RBMS3: variants seen among roughly 807,000 people sequenced by gnomAD.
RBMS3 encodes the protein RNA binding motif single stranded interacting protein 3.
In RBMS3, 27 loss-of-function variants were observed where a neutral mutation model predicts 66.8. The ratio of observed to expected loss-of-function variants is 0.40; its 90% CI spans 0.30 to 0.56. The LOEUF (loss-of-function observed/expected upper bound fraction) is 0.56, where lower values mean the gene tolerates loss of function less well. RBMS3 is among the 20% of genes least tolerant of loss of function. The pLI, the probability that RBMS3 is intolerant of heterozygous loss-of-function variation, is 0.40. For missense variants in RBMS3, 513 were observed against 549.5 expected (o/e 0.93, Z 0.66); for synonymous variants, 188 against 183.0 (o/e 1.03, Z -0.22).
At chr3:29,426,898 A>G (rs531929511) in intron 1 of RBMS3, among the ~76,000 whole-genome samples, 5 of 152,332 alleles carry the variant, frequency 3.3e-5, no homozygotes, top group African/African-American at 1.2e-4. Flanking sequence ...AACATTTGAC[A>G]CATAATTTAT....
intron 1 of RBMS3, among the ~76,000 whole-genome samples, chr3:29,397,485 C>T (rs1475612233): frequency 6.6e-6 from 1 of 152,078 alleles, no homozygotes; most frequent in Non-Finnish European, 1.5e-5. Flanking sequence ...ATGGTTCTCC[C>T]AACTTTTACC....
At chr3:29,456,169 G>T (rs933577627) in intron 2 of RBMS3, among the ~76,000 whole-genome samples, 11 of 152,148 alleles carry the variant, frequency 7.2e-5, no homozygotes, top group African/African-American at 1.2e-4. Flanking sequence ...CTTAGTTTCT[G>T]TGGAGTATTT....
At chr3:29,349,170 T>C (rs944724609) in intron 1 of RBMS3, among the ~76,000 whole-genome samples, 2 of 152,202 alleles carry the variant, frequency 1.3e-5, no homozygotes, top group Non-Finnish European at 2.9e-5. Flanking sequence ...TAGATTTTTC[T>C]CCAGCTCTCT....
chr3:29,429,140 A>G (rs1256972513), intron 1 of RBMS3, among the ~76,000 whole-genome samples: 2 of 152,184 alleles, frequency 1.3e-5, no homozygotes, highest in African/African-American at 4.8e-5. Flanking sequence ...GTTGGGCTCC[A>G]GCTGTGTGAC....
intron 5 of RBMS3, among the ~76,000 whole-genome samples, chr3:29,740,461 C>T (rs957411442): frequency 3.3e-5 from 5 of 152,050 alleles, no homozygotes; most frequent in Admixed American, 2.0e-4. Context: ...AAAAAATATT[C>T]CTTTCATTGT....
At chr3:29,424,025 C>G (rs1158146396) in intron 1 of RBMS3, among the ~76,000 whole-genome samples, 1 of 152,178 alleles carries the variant, frequency 6.6e-6, no homozygotes, top group African/African-American at 2.4e-5. Flanking sequence ...AATCAATGAG[C>G]ATAAAGCTCT....
chr3:29,814,370 G>A (rs954043920), intron 6 of RBMS3, among the ~76,000 whole-genome samples: 2 of 152,120 alleles, frequency 1.3e-5, no homozygotes, highest in African/African-American at 2.4e-5. Flanking sequence ...ATGTGCTGCT[G>A]GATTCGGTTT....
intron 1 of RBMS3, among the ~76,000 whole-genome samples, chr3:29,283,614 T>TA (rs1294861940): frequency 1.3e-5 from 2 of 152,166 alleles, no homozygotes; most frequent in African/African-American, 4.8e-5. Flanking sequence ...TGGATCTTGT[T>TA]ACTCTCAAGC....
rs529458161 is a variant in RBMS3, at chr3:29,662,124, AG to A, written c.399+74923del. 7.9e-3 allele frequency among the ~76,000 whole-genome samples: 1,206 copies of A among 152,320 alleles called. 10 individuals are homozygous for A. Among genetic ancestry groups the A allele is most frequent in the African/African-American group, 0.025 (1,057 of 41,572 alleles). On this transcript the variant is annotated intron_variant, in intron 4 of 14. Coordinates refer to ENST00000383767, the MANE Select transcript of RBMS3 (RefSeq NM_001003793.3). ...AGTCTGTACTTAAGGGTTCATTTATAGGGGATTGTTCTGTTAAAAATACAAC... is the reference window on the plus strand; with the variant it reads ...AGTCTGTACTTAAGGGTTCATTTATAGGGATTGTTCTGTTAAAAATACAAC...
intron 4 of RBMS3, among the ~76,000 whole-genome samples, chr3:29,709,633 A>G (rs2053069280): frequency 6.6e-6 from 1 of 152,190 alleles, no homozygotes; most frequent in African/African-American, 2.4e-5. Context: ...ATTATCTACA[A>G]TGGAGGGCAG....
rs59785296 is a variant in RBMS3 at position 29,997,015 on chromosome 3, C to G, written c.1307+5806C>G. Among the ~76,000 whole-genome samples the G allele has an allele frequency of 9.1e-3, 1,380 of 151,124 alleles. 3 individuals are homozygous for G. Among genetic ancestry groups the G allele is most frequent in the Middle Eastern group, 0.017 (5 of 294 alleles). ...GAAAAGATCAAAAAAATTGATAGAC[C>G]GCTAGCAAGACTAATAAAGAAAAAA... On this transcript the variant is annotated intron_variant, in intron 14 of 14. Transcript: ENST00000383767.
At chr3:29,556,909 C>T (rs897329081) in intron 3 of RBMS3, among the ~76,000 whole-genome samples, 3 of 152,086 alleles carry the variant, frequency 2.0e-5, no homozygotes, top group Non-Finnish European at 4.4e-5. Flanking sequence ...AGCTACCTTG[C>T]TTGGGTTGGG....
chr3:29,343,325 A>G (rs2036389431), intron 1 of RBMS3, among the ~76,000 whole-genome samples: 1 of 152,114 alleles, frequency 6.6e-6, no homozygotes, highest in Non-Finnish European at 1.5e-5. Context: ...TGTGTTTTCT[A>G]TTTATCTAGT....
intron 1 of RBMS3, among the ~76,000 whole-genome samples, chr3:29,388,748 T>C (rs1224536585): frequency 6.6e-6 from 1 of 152,166 alleles, no homozygotes; most frequent in Non-Finnish European, 1.5e-5. Flanking sequence ...GTATTTTTAG[T>C]AGAGACAGGG....
chr3:29,600,781 A>G (rs547662688), intron 4 of RBMS3, among the ~76,000 whole-genome samples: 1 of 152,174 alleles, frequency 6.6e-6, no homozygotes, highest in African/African-American at 2.4e-5. Context: ...AATCTTAGGG[A>G]AAAATGGTCA....
chr3:29,965,592 T>G (rs528865164), intron 12 of RBMS3, among the ~76,000 whole-genome samples: 1 of 152,192 alleles, frequency 6.6e-6, no homozygotes, highest in Non-Finnish European at 1.5e-5. Context: ...TTTTTCTTAC[T>G]GATTTGTCTG....
intron 4 of RBMS3, among the ~76,000 whole-genome samples, chr3:29,725,533 G>C (rs574309882): frequency 1.3e-5 from 2 of 151,910 alleles, no homozygotes. Flanking sequence ...AATAATAAAG[G>C]GGATATCACC....
At chr3:29,358,120 C>G (rs1377688777) in intron 1 of RBMS3, among the ~76,000 whole-genome samples, 1 of 152,120 alleles carries the variant, frequency 6.6e-6, no homozygotes, top group African/African-American at 2.4e-5. Context: ...AGTCCTTGCC[C>G]CTGCCTACGT....
intron 8 of RBMS3, among the ~76,000 whole-genome samples, chr3:29,888,963 C>G (rs928089819): frequency 6.6e-6 from 1 of 151,654 alleles, no homozygotes; most frequent in African/African-American, 2.4e-5. Context: ...CCTCCCCCCA[C>G]GAACAATTTT....
Sources: gnomAD v4.1 joint callset for allele counts (sites outside exome capture counted in the v4.1 genomes callset) on GRCh38, gnomAD v4.1.1 for gene constraint, MANE v1.5 for transcripts, NCBI Gene and HGNC (gene_info 2026-07-23, HGNC 2026-07-21) for gene names.